The following ADAMTSL1 variants were observed in gnomAD, a reference collection of about 807,000 sequenced individuals.
The protein encoded by ADAMTSL1 is ADAMTS-like protein 1.
In ADAMTSL1, 126 loss-of-function variants were observed where a neutral mutation model predicts 201.8. The observed-to-expected ratio is 0.62, with a 90% CI of 0.54 to 0.72. The LOEUF is 0.72. Ranked by LOEUF, ADAMTSL1 falls within the 30% of genes least tolerant of loss-of-function variation. The probability of loss-of-function intolerance (pLI) is 0.00; values close to 1 mark genes in which losing one functional copy is unlikely to be tolerated. For synonymous variants in ADAMTSL1, 1,121 were observed against 903.4 expected, an observed-to-expected ratio of 1.24 and a Z score of -4.32; for missense variants, 2,679 against 2,277.8, an observed-to-expected ratio of 1.18 and a Z score of -3.59.
intron 2 of ADAMTSL1, among the ~76,000 whole-genome samples, chr9:18,386,006 C>T (rs1006765615): frequency 8.5e-5 from 13 of 152,088 alleles, no homozygotes; most frequent in African/African-American, 3.1e-4. Flanking sequence ...TAAATGCCAG[C>T]GAAGTCAAAG....
At chr9:18,532,939 T>C (rs866718157) in intron 2 of ADAMTSL1, among the ~76,000 whole-genome samples, 1 of 151,946 alleles carries the variant, frequency 6.6e-6, no homozygotes, top group Admixed American at 6.6e-5. Context: ...AAGGATTAAT[T>C]GAATGTCAGT....
intron 2 of ADAMTSL1, among the ~76,000 whole-genome samples, chr9:18,430,441 T>C (rs1311930090): frequency 5.9e-5 from 9 of 152,220 alleles, no homozygotes; most frequent in Non-Finnish European, 1.5e-5. Flanking sequence ...TAAACCTTCC[T>C]ATGGACTTGG....
At chr9:17,913,801 A>G (rs981847327) in intron 1 of ADAMTSL1, among the ~76,000 whole-genome samples, 1 of 102,788 alleles carries the variant, frequency 9.7e-6, no homozygotes, top group East Asian at 3.0e-4. Flanking sequence ...GAAAAGAGAG[A>G]AGAATCAAAT....
rs139604924 is a variant in ADAMTSL1, at chr9:18,721,582, G to A, written c.1923G>A (p.Glu641=). 3.1e-6 allele frequency: 5 copies of A among 1,613,884 alleles called. No homozygotes were observed. Among genetic ancestry groups the A allele is most frequent in the Non-Finnish European group, 4.2e-6 (5 of 1,179,884 alleles). Residue 641 remains glutamate, a synonymous_variant, in exon 15 of 29, where the codon GAG becomes GAA. Transcript: ENST00000380548. ...VVSCLNKQTR[E]PAEENLCVTS... ...GCTGCTTGAACAAACAGACTCGGGAGCCTGCTGAGGAGAACCTGTGCGTGA... is the reference window on the plus strand; with the variant it reads ...GCTGCTTGAACAAACAGACTCGGGAACCTGCTGAGGAGAACCTGTGCGTGA...
chr9:18,382,875 C>G (rs1174592629), intron 2 of ADAMTSL1, among the ~76,000 whole-genome samples: 2 of 152,132 alleles, frequency 1.3e-5, no homozygotes, highest in Non-Finnish European at 2.9e-5. Context: ...TACAGACTTC[C>G]AAATGATTTT....
intron 1 of ADAMTSL1, among the ~76,000 whole-genome samples, chr9:18,114,830 G>C (rs1411144937): frequency 1.3e-5 from 2 of 152,158 alleles, no homozygotes; most frequent in East Asian, 3.9e-4. Context: ...AAGGCTGAAG[G>C]GAATGTGGGA....
chr9:18,635,348 C>T (rs1397567489), intron 5 of ADAMTSL1, among the ~76,000 whole-genome samples: 1 of 151,736 alleles, frequency 6.6e-6, no homozygotes, highest in African/African-American at 2.4e-5. Context: ...CAGTCAATTT[C>T]TAAAAAAAAA....
chr9:18,563,408 C>G (rs537517757), intron 3 of ADAMTSL1, among the ~76,000 whole-genome samples: 167 of 152,284 alleles, frequency 1.1e-3, no homozygotes, highest in African/African-American at 3.8e-3. Flanking sequence ...GGGCACCCAC[C>G]AGATGCCAGC....
intron 2 of ADAMTSL1, among the ~76,000 whole-genome samples, chr9:18,511,567 G>A (rs1484805490): frequency 6.6e-6 from 1 of 152,004 alleles, no homozygotes; most frequent in Non-Finnish European, 1.5e-5. Context: ...CTGCCAGAAT[G>A]GTGTCAACAT....
chr9:18,061,852 G>A (rs982439768), intron 1 of ADAMTSL1, among the ~76,000 whole-genome samples: 2 of 152,222 alleles, frequency 1.3e-5, no homozygotes, highest in Non-Finnish European at 2.9e-5. Flanking sequence ...AATCTCCCGT[G>A]ATAGAAATAC....
At chr9:18,778,023 C>G (rs957210562) in intron 19 of ADAMTSL1, 117 bp downstream of exon 19, 2 of 1,345,422 alleles carry the variant, frequency 1.5e-6, no homozygotes, top group Admixed American at 5.7e-5. Context: ...GAGCTGGCCT[C>G]GGGGACCCCA....
intron 1 of ADAMTSL1, among the ~76,000 whole-genome samples, chr9:18,024,292 G>A (rs1022518726): frequency 1.3e-5 from 2 of 151,822 alleles, no homozygotes; most frequent in African/African-American, 4.8e-5. Context: ...AGCTTTGAGG[G>A]TACATCTGTG....
intron 1 of ADAMTSL1, among the ~76,000 whole-genome samples, chr9:18,059,023 T>C (rs1822326912): frequency 6.6e-6 from 1 of 152,256 alleles, no homozygotes; most frequent in Non-Finnish European, 1.5e-5. Flanking sequence ...AATCACATCA[T>C]GCTTAGTGTT....
intron 1 of ADAMTSL1, among the ~76,000 whole-genome samples, chr9:18,481,858 T>C (rs1186971085): frequency 6.6e-6 from 1 of 152,202 alleles, no homozygotes; most frequent in African/African-American, 2.4e-5. Context: ...TGGTTATCTT[T>C]GTGAGAATTA....
intron 7 of ADAMTSL1, among the ~76,000 whole-genome samples, chr9:18,655,379 A>C (rs1828560492): frequency 6.6e-6 from 1 of 152,210 alleles, no homozygotes; most frequent in African/African-American, 2.4e-5. Context: ...ACACTGAAAC[A>C]TTGTGATTAT....
intron 1 of ADAMTSL1, among the ~76,000 whole-genome samples, chr9:18,040,961 A>C (rs1462324439): frequency 6.6e-6 from 1 of 152,178 alleles, no homozygotes; most frequent in Non-Finnish European, 1.5e-5. Flanking sequence ...AATATATTTT[A>C]ATGAAAATTT....
At chr9:18,797,321 T>C (rs905296408) in intron 20 of ADAMTSL1, among the ~76,000 whole-genome samples, 1 of 152,262 alleles carries the variant, frequency 6.6e-6, no homozygotes, top group African/African-American at 2.4e-5. Flanking sequence ...ACTGTATTTG[T>C]ACCCTTACCT....
At chr9:18,115,089 C>T (rs377332126) in intron 1 of ADAMTSL1, among the ~76,000 whole-genome samples, 10 of 152,126 alleles carry the variant, frequency 6.6e-5, no homozygotes, top group African/African-American at 1.9e-4. Context: ...AACTTTACAT[C>T]GGTCAGCTGA....
intron 23 of ADAMTSL1, among the ~76,000 whole-genome samples, chr9:18,853,115 CA>C (rs1826606125): frequency 2.0e-5 from 3 of 152,266 alleles, no homozygotes; most frequent in Admixed American, 2.0e-4. Flanking sequence ...GCAATGACCT[CA>C]TGGCATCTGA....
Sources: allele counts gnomAD v4.1 joint callset (sites outside exome capture counted in the v4.1 genomes callset), GRCh38; gene constraint gnomAD v4.1.1; transcripts MANE v1.5; gene names NCBI Gene and HGNC (gene_info 2026-07-23, HGNC 2026-07-21).